NDFIP2: variants seen among roughly 807,000 people sequenced by gnomAD.
NDFIP2 encodes the protein NEDD4 family-interacting protein 2.
In NDFIP2, 19 loss-of-function variants were observed where a neutral mutation model predicts 36.0. That is an observed-to-expected ratio of 0.53 (90% confidence interval 0.37 to 0.77). The LOEUF (loss-of-function observed/expected upper bound fraction) is 0.77. Among genes scored for constraint, NDFIP2 ranks in the 30% least tolerant of loss-of-function variants. NDFIP2 has a pLI of 0.00. For synonymous variants in NDFIP2, 181 were observed against 167.7 expected (o/e 1.08, Z -0.61); for missense variants, 446 against 435.8 (o/e 1.02, Z -0.21).
chr13:79,527,483 A>G (rs1874846364), intron 2 of NDFIP2, among the ~76,000 whole-genome samples: 2 of 152,178 alleles, frequency 1.3e-5, no homozygotes, highest in Non-Finnish European at 2.9e-5. Flanking sequence ...CATATGCTGC[A>G]TAACAACATT....
At chr13:79,500,055 A>C (rs982171273) in intron 1 of NDFIP2, among the ~76,000 whole-genome samples, 2 of 151,866 alleles carry the variant, frequency 1.3e-5, no homozygotes, top group African/African-American at 2.4e-5. Context: ...AGAACTCAGA[A>C]ATAGGCCCAC....
chr13:79,538,023 A>G (rs923515608), intron 3 of NDFIP2, among the ~76,000 whole-genome samples: 10 of 152,202 alleles, frequency 6.6e-5, no homozygotes, highest in Non-Finnish European at 1.0e-4. Context: ...CCCATTTTAC[A>G]TGGCTGGAGC....
At chr13:79,521,505 T>C (rs1299694016) in intron 2 of NDFIP2, among the ~76,000 whole-genome samples, 1 of 152,208 alleles carries the variant, frequency 6.6e-6, no homozygotes, top group African/African-American at 2.4e-5. Context: ...AAATAAATTC[T>C]AAATAACTTC....
intron 3 of NDFIP2, among the ~76,000 whole-genome samples, chr13:79,536,315 A>G (rs1875236221): frequency 6.6e-6 from 1 of 152,186 alleles, no homozygotes; most frequent in Non-Finnish European, 1.5e-5. Context: ...ATAAATCATG[A>G]GCAACACCAG....
In NDFIP2 at chr13:79,539,783, A is replaced by G; in HGVS notation, c.715+8A>G. The G allele has an allele frequency of 6.2e-7, 1 of 1,611,578 alleles. No homozygotes were observed. The highest frequency in any genetic ancestry group is 1.1e-5 in the South Asian group (1 of 91,034). ...TCATGCTGGCATTTTTCAGTAAGTA[A>G]TCTTCCTAAACTATTTTGGGTTGTT... On this transcript the variant is annotated splice_region_variant and intron_variant, in intron 4 of 7. Transcript: ENST00000218652.
intron 1 of NDFIP2, among the ~76,000 whole-genome samples, chr13:79,493,384 A>G (rs1465967295): frequency 1.3e-5 from 2 of 152,170 alleles, no homozygotes; most frequent in Non-Finnish European, 2.9e-5. Flanking sequence ...TTGCTTTTAT[A>G]ATAGTGCTGA....
chr13:79,537,325 A>C (rs1280223798), intron 3 of NDFIP2, among the ~76,000 whole-genome samples: 1 of 151,996 alleles, frequency 6.6e-6, no homozygotes, highest in African/African-American at 2.4e-5. Context: ...TGGTCAGGCT[A>C]GTCTTGAACT....
At chr13:79,509,283 AG>A (rs1289911636) in intron 1 of NDFIP2, among the ~76,000 whole-genome samples, 2 of 152,096 alleles carry the variant, frequency 1.3e-5, no homozygotes, top group Admixed American at 6.6e-5. Context: ...GACAATGGGT[AG>A]GGGGGCAGTG....
At chr13:79,486,680 T>C (rs1873005469) in intron 1 of NDFIP2, among the ~76,000 whole-genome samples, 1 of 152,200 alleles carries the variant, frequency 6.6e-6, no homozygotes, top group Admixed American at 6.5e-5. Flanking sequence ...GTTTTGTAAA[T>C]AAATTTTATT....
In NDFIP2 at chr13:79,551,077, G is replaced by T. The variant is rs1474284352; in HGVS notation, c.968G>T (p.Ser323Ile). ...CTAAAAGTCAGAAACATGTCTGAAA[G>T]TATGGCAGCTGCTCATAGAACAAGG... ...NYLKVRNMSESMAAAHRTRYF... is the reference protein window; with the variant it reads ...NYLKVRNMSEIMAAAHRTRYF... The change falls in exon 7 of 8, where the codon AGT (serine) becomes ATT (isoleucine). Residue 323 changes from serine to isoleucine, a missense_variant. Physicochemically the swap from Ser to Ile is moderately radical, Grantham distance 142 (BLOSUM62 -2). Transcript: ENST00000218652. 1 of 1,604,654 alleles carries T rather than the reference G, an allele frequency of 6.2e-7. No homozygotes were observed. Among genetic ancestry groups the T allele is most frequent in the Non-Finnish European group, 8.5e-7 (1 of 1,175,016 alleles).
At chr13:79,515,914 A>C (rs1215507426) in intron 1 of NDFIP2, among the ~76,000 whole-genome samples, 3 of 140,036 alleles carry the variant, frequency 2.1e-5, no homozygotes, top group Non-Finnish European at 4.6e-5. Context: ...GATATACTCT[A>C]AGGTTTTTCT....
intron 1 of NDFIP2, 119 bp downstream of exon 1, chr13:79,481,643 TTGTTTTTTTG>T: frequency 1.6e-6 from 2 of 1,269,298 alleles, no homozygotes; most frequent in Non-Finnish European, 2.1e-6. Context: ...GTGTTTTGTT[TTGTTTTTTTG>T]GATCTTCTGG....
intron 1 of NDFIP2, among the ~76,000 whole-genome samples, chr13:79,489,031 C>T (rs903327007): frequency 4.4e-4 from 67 of 152,126 alleles, no homozygotes; most frequent in African/African-American, 1.4e-3. Context: ...AATAATAGGC[C>T]CAGCTGTGAT....
At position 79,553,239 on chromosome 13, in the gene NDFIP2, A is replaced by C. The variant is rs960185449; in HGVS notation, c.*726A>C. ...ACACATATATATATTTAGAAACGTG[A>C]GTGTTAAAGATAGAATTTGTTTTAG... On this transcript the variant is annotated 3_prime_UTR_variant, in exon 8 of 8. Coordinates refer to ENST00000218652, the MANE Select transcript of NDFIP2 (RefSeq NM_019080.3). The C allele has an allele frequency of 2.6e-5, 4 of 151,076 alleles. No individual in the cohort carries two copies. Among genetic ancestry groups the C allele is most frequent in the African/African-American group, 9.7e-5 (4 of 41,332 alleles). The allele number at this position is 151,076 out of a possible 1,614,324, so 9.4% of individuals were successfully genotyped here.
At chr13:79,551,353 C>T (rs1276338171) in intron 7 of NDFIP2, among the ~76,000 whole-genome samples, 1 of 151,202 alleles carries the variant, frequency 6.6e-6, no homozygotes, top group Non-Finnish European at 1.5e-5. Context: ...AAATACATAG[C>T]GAGTGAACTG....
intron 7 of NDFIP2, among the ~76,000 whole-genome samples, chr13:79,551,429 C>A (rs1875906653): frequency 6.6e-6 from 1 of 150,992 alleles, no homozygotes. Context: ...ATGAAGTAAC[C>A]ACCAGCACAA....
At chr13:79,519,418 A>G (rs1449774600) in intron 1 of NDFIP2, among the ~76,000 whole-genome samples, 1 of 152,176 alleles carries the variant, frequency 6.6e-6, no homozygotes, top group Non-Finnish European at 1.5e-5. Flanking sequence ...CCTTTGACTC[A>G]TCTTAGTTTG....
rs117505280 is a variant in NDFIP2, at chr13:79,487,044, A to G, written c.321+5520A>G. 4.6e-3 allele frequency among the ~76,000 whole-genome samples: 703 copies of G among 152,234 alleles called. 3 individuals carry two copies. Among genetic ancestry groups the G allele is most frequent in the South Asian group, 0.022 (104 of 4,820 alleles). ...ATTACCTCCTATAGGCTCTAACTTC[A>G]AATAACATCACTCTGGCGATTAGGG... On this transcript the variant is annotated intron_variant, in intron 1 of 7. Transcript: ENST00000218652.
chr13:79,517,261 G>A (rs985509392), intron 1 of NDFIP2, among the ~76,000 whole-genome samples: 1 of 152,146 alleles, frequency 6.6e-6, no homozygotes, highest in African/African-American at 2.4e-5. Flanking sequence ...CTTTTGAGGT[G>A]ATGTATAAAT....
Sources: allele counts gnomAD v4.1 joint callset (sites outside exome capture counted in the v4.1 genomes callset), GRCh38; gene constraint gnomAD v4.1.1; transcripts MANE v1.5; gene names NCBI Gene and HGNC (gene_info 2026-07-23, HGNC 2026-07-21).